Variants in IPO5 observed in about 807,000 individuals in gnomAD.
The protein encoded by IPO5 is importin 5.
IPO5 carries 18 observed loss-of-function variants against 143.3 expected under a neutral mutation model. That is an observed-to-expected ratio of 0.13 (90% confidence interval 0.09 to 0.19). The LOEUF (loss-of-function observed/expected upper bound fraction) is 0.19. IPO5 is among the 10% of genes least tolerant of loss of function. IPO5 has a pLI of 1.00. For missense variants in IPO5, 1,013 were observed against 1,336.9 expected, an observed-to-expected ratio of 0.76 and a Z score of 3.78; for synonymous variants, 477 against 465.7, an observed-to-expected ratio of 1.02 and a Z score of -0.31.
chr13:97,998,371 A>G (rs570533865), intron 12 of IPO5, among the ~76,000 whole-genome samples: 46 of 152,320 alleles, frequency 3.0e-4, no homozygotes, highest in Non-Finnish European at 1.2e-4. Context: ...TAAAACGTGT[A>G]TAAAGCAGCT....
At chr13:97,992,783 A>G in intron 9 of IPO5, 109 bp from the exon 10 acceptor site, 2 of 1,162,312 alleles carry the variant, frequency 1.7e-6, no homozygotes, top group Non-Finnish European at 2.4e-6. Context: ...TATTTAGTGA[A>G]AAATAGTTTA....
chr13:97,973,174 C>T (rs1168498827), intron 3 of IPO5, among the ~76,000 whole-genome samples: 3 of 151,150 alleles, frequency 2.0e-5, no homozygotes, highest in South Asian at 4.2e-4. Context: ...TCCAGAGTAG[C>T]TGGGATTACA....
Position 98,018,514 on chromosome 13 carries a change from A to G in IPO5, c.2646A>G (p.Gln882=), listed in dbSNP as rs145449026. The stretch of plus-strand genomic sequence containing the variant: ...CACATAGACCATGGCCAGACAGACA[A>G]TGGGGATTATGCATCTTTGATGATG... ...ICPHRPWPDR[Q]WGLCIFDDVI... is the part of the protein sequence containing the mutation. The change falls in exon 26 of 29, where the codon CAA becomes CAG. Residue 882 remains glutamine (Q), a synonymous_variant. Coordinates refer to ENST00000651721, the MANE Select transcript of IPO5 (RefSeq NM_002271.6). 1.1e-5 allele frequency: 17 copies of G among 1,613,994 alleles called. No individual in the cohort carries two copies. The highest frequency in any genetic ancestry group is 3.3e-5 in the Admixed American group (2 of 59,998).
chr13:98,018,457 G>C (rs1691268216), intron 25 of IPO5, 28 bp from the exon 26 acceptor site: 5 of 1,509,094 alleles, frequency 3.3e-6, no homozygotes, highest in Non-Finnish European at 4.6e-6. Context: ...ACCAGTATTT[G>C]AAGCTTAAAA....
chr13:98,017,841 G>A (rs1301815095), intron 25 of IPO5, among the ~76,000 whole-genome samples: 1 of 146,786 alleles, frequency 6.8e-6, no homozygotes, highest in African/African-American at 2.5e-5. Context: ...TTTTTTTGTT[G>A]GGTTTTTAGT....
chr13:98,003,088 T>G lies in IPO5; in HGVS notation c.1497+51T>G, dbSNP rs763206678. 40 of 1,404,500 alleles carry G rather than the reference T, an allele frequency of 2.8e-5. 1 individual carries two copies. In the South Asian group the frequency reaches 3.5e-4, roughly 12 times the overall value. 87.0% of individuals were successfully genotyped at this position (1,404,500 alleles called of 1,614,324 possible). On this transcript the variant is annotated intron_variant, in intron 16 of 28. Coordinates refer to ENST00000651721, the MANE Select transcript of IPO5 (RefSeq NM_002271.6). The stretch of plus-strand genomic sequence containing the variant: ...TTTCTGTTTGTAGATTAATTTGGGT[T>G]GATTTGATGGGTAAGAACTGGAGAA...
At chr13:97,962,203 AAAAGCACAAAGGTTTT>A (rs751414854) in intron 2 of IPO5, among the ~76,000 whole-genome samples, 3,771 of 152,276 alleles carry the variant, frequency 0.025, 65 homozygotes, top group Middle Eastern at 0.044. Flanking sequence ...TGGTGTCCTT[AAAAGCACAAAGGTTTT>A]AATTTTGTGA....
intron 9 of IPO5, among the ~76,000 whole-genome samples, 157 bp downstream of exon 9, chr13:97,990,694 T>C (rs1887734841): frequency 6.6e-6 from 1 of 152,232 alleles, no homozygotes; most frequent in African/African-American, 2.4e-5. Context: ...ATTAAGCTTA[T>C]GTTTACTGCC....
Position 98,000,540 on chromosome 13 carries a change from A to C in IPO5, c.1003A>C (p.Asn335His). ...ACATAATTCTGTTTATGTGTTTAGC[A>C]ATGCAGTTGCAGGCGAGAGTGCTCT... is the stretch of plus-strand genomic sequence containing the variant. ...DELEDDDFDS[N>H]AVAGESALDR... The change falls in exon 13 of 29, where the codon AAT becomes CAT. Residue 335 changes from asparagine to histidine, a missense_variant and splice_region_variant. Physicochemically the swap from Asn to His is moderately conservative, Grantham distance 68 (BLOSUM62 1). Around this residue, in one of 2 missense-constraint regions of IPO5, gnomAD observed 685 missense variants for 994.9 expected, o/e 0.69. Transcript: ENST00000651721. 6.2e-7 allele frequency: 1 copy of C among 1,606,886 alleles called. No individual in the cohort carries two copies. The highest frequency in any genetic ancestry group is 8.5e-7 in the Non-Finnish European group (1 of 1,173,478).
chr13:97,966,517 CA>C (rs1885352819), intron 2 of IPO5, among the ~76,000 whole-genome samples: 1 of 151,954 alleles, frequency 6.6e-6, no homozygotes, highest in African/African-American at 2.4e-5. Flanking sequence ...TTGTTTAATT[CA>C]GTTTGCTAGT....
Position 98,008,061 on chromosome 13 carries a change from C to T in IPO5, c.1719C>T (p.Phe573=), listed in dbSNP as rs1566550670. The T allele has an allele frequency of 6.3e-7, 1 of 1,596,804 alleles. No individual in the cohort carries two copies. Among genetic ancestry groups the T allele is most frequent in the African/African-American group, 1.3e-5 (1 of 74,616 alleles). ...LIGLAVGKEK[F]MQDASDVMQL... ...TGTCTCTACATATTTTCCTCTAGTT[C>T]ATGCAGGATGCATCAGATGTGATGC... is the stretch of plus-strand genomic sequence containing the variant. Residue 573 remains phenylalanine, a splice_region_variant and synonymous_variant, in exon 18 of 29, where the codon TTC becomes TTT. Coordinates refer to ENST00000651721, the MANE Select transcript of IPO5 (RefSeq NM_002271.6).
At chr13:97,980,579 C>T (rs1886755432) in intron 4 of IPO5, among the ~76,000 whole-genome samples, 1 of 152,088 alleles carries the variant, frequency 6.6e-6, no homozygotes, top group East Asian at 1.9e-4. Context: ...ACTGTAATCC[C>T]AGCACTTTGG....
chr13:97,985,719 C>G (rs922033987), intron 6 of IPO5, 106 bp downstream of exon 6: 5 of 738,736 alleles, frequency 6.8e-6, no homozygotes, highest in African/African-American at 3.6e-5. Flanking sequence ...ACCTGAGTAC[C>G]ATTTATTCTG....
chr13:98,005,709 A>G (rs1889183049), intron 16 of IPO5, among the ~76,000 whole-genome samples: 1 of 151,488 alleles, frequency 6.6e-6, no homozygotes, highest in Admixed American at 6.6e-5. Flanking sequence ...TAGAAGATAA[A>G]GGAAGGGGCC....
chr13:97,991,334 C>T (rs535746698), intron 9 of IPO5, among the ~76,000 whole-genome samples: 8 of 152,276 alleles, frequency 5.3e-5, no homozygotes, highest in Admixed American at 1.3e-4. Flanking sequence ...ACATAATAGA[C>T]TAGGTGGCTT....
intron 4 of IPO5, 75 bp downstream of exon 4, chr13:97,976,861 G>T (rs1176612815): frequency 2.2e-6 from 1 of 445,152 alleles, no homozygotes; most frequent in Non-Finnish European, 3.3e-6. Flanking sequence ...GCCGCACCGG[G>T]CCTCGGCCGG....
rs200248504 is a variant in IPO5, at chr13:97,995,179, G to GTT, written c.913+1967_913+1968dup. Reference sequence around the variant, plus strand: ...TCTTTCTTTCATTCTTTCTTTCTTTGTTTTTTTTTTTTTTGTTTGTTTAAT... The same window carrying GTT: ...TCTTTCTTTCATTCTTTCTTTCTTTGTTTTTTTTTTTTTTTTGTTTGTTTAAT... On this transcript the variant is annotated intron_variant, in intron 11 of 28. Transcript: ENST00000651721. Among the ~76,000 whole-genome samples the GTT allele has an allele frequency of 3.6e-3, 475 of 131,730 alleles. 1 individual carries two copies. Among genetic ancestry groups the GTT allele is most frequent in the African/African-American group, 0.012 (437 of 36,272 alleles). 86.4% of individuals were successfully genotyped at this position (131,730 alleles called of 152,430 possible). A position where few individuals can be genotyped will look rare whatever the true frequency, so the allele number is the denominator to read the frequency against.
Position 97,982,555 on chromosome 13 carries a change from C to G in IPO5, c.143C>G (p.Ala48Gly). 1 of 1,611,776 alleles carries G rather than the reference C, an allele frequency of 6.2e-7. No individual in the cohort carries two copies. Among genetic ancestry groups the G allele is most frequent in the Non-Finnish European group, 8.5e-7 (1 of 1,178,044 alleles). Residue 48 changes from alanine (A) to glycine (G), a missense_variant, in exon 5 of 29, where the codon GCC (alanine) becomes GGC (glycine). Ala to Gly is a moderately conservative substitution (Grantham distance 60, BLOSUM62 0). Transcript: ENST00000651721. ...TCAAAGATCACATTCCTCTTACAAG[C>G]CATCAGAAATACAACAGCTGCTGAA... ...GQSKITFLLQAIRNTTAAEEA... is the reference protein window; with the variant it reads ...GQSKITFLLQGIRNTTAAEEA...
intron 17 of IPO5, chr13:98,007,649 T>A (rs542533536): frequency 1.3e-5 from 2 of 157,030 alleles, no homozygotes; most frequent in East Asian, 1.9e-4. Flanking sequence ...GCTTTCAATG[T>A]CTCTTTAAAA....
Sources: allele counts gnomAD v4.1 joint callset (sites outside exome capture counted in the v4.1 genomes callset), GRCh38; gene constraint gnomAD v4.1.1; regional missense constraint gnomAD v4.1.1; transcripts MANE v1.5; gene names NCBI Gene and HGNC (gene_info 2026-07-23, HGNC 2026-07-21).